BNC2: variants seen among roughly 807,000 people sequenced by gnomAD.
BNC2 encodes the protein basonuclin zinc finger protein 2, also known as zinc finger protein basonuclin-2.
A neutral mutation model predicts 76.3 loss-of-function variants in BNC2; 20 were observed. That is an observed-to-expected ratio of 0.26 (90% confidence interval 0.18 to 0.38). The LOEUF (loss-of-function observed/expected upper bound fraction) is 0.38. Among genes scored for constraint, BNC2 ranks in the 10% least tolerant of loss-of-function variants. The probability of loss-of-function intolerance (pLI) is 1.00; values close to 1 mark genes in which losing one functional copy is unlikely to be tolerated. For missense variants in BNC2, 1,382 were observed against 1,399.8 expected (o/e 0.99, Z 0.20); for synonymous variants, 582 against 514.8 (o/e 1.13, Z -1.77).
intron 1 of BNC2, among the ~76,000 whole-genome samples, chr9:16,847,297 G>C (rs8181207): frequency 0.98 from 148,894 of 152,008 alleles, 72,981 homozygotes; most frequent in Middle Eastern, 1. Context: ...GAGTGTGTGC[G>C]TTTATTTTTT....
chr9:16,869,739 C>T (rs1819630430), intron 1 of BNC2, among the ~76,000 whole-genome samples: 1 of 152,176 alleles, frequency 6.6e-6, no homozygotes, highest in Non-Finnish European at 1.5e-5. Context: ...TTGCACGCTT[C>T]CTCGCTGCAA....
intron 1 of BNC2, chr9:16,775,432 G>C (rs866890719): frequency 8.6e-5 from 13 of 150,730 alleles, no homozygotes; most frequent in African/African-American, 3.2e-4. Flanking sequence ...TCTTCATGTT[G>C]TATGTGTGCT....
chr9:16,745,854 G>C (rs1253106459), intron 1 of BNC2, among the ~76,000 whole-genome samples: 5 of 152,202 alleles, frequency 3.3e-5, no homozygotes. Flanking sequence ...CATGGGCTTT[G>C]AGACAGCTAT....
At chr9:16,507,355 G>GT (rs1822653047) in intron 5 of BNC2, among the ~76,000 whole-genome samples, 1 of 150,274 alleles carries the variant, frequency 6.7e-6, no homozygotes, top group Admixed American at 6.6e-5. Flanking sequence ...CGCCTCCTGG[G>GT]TTCAAACGAT....
chr9:16,446,240 G>C (rs1483627723), intron 5 of BNC2, among the ~76,000 whole-genome samples: 2 of 151,968 alleles, frequency 1.3e-5, no homozygotes, highest in African/African-American at 4.8e-5. Context: ...AGCATTCAAA[G>C]TGCTTCAACT....
chr9:16,691,809 ATT>A (rs35924079), intron 3 of BNC2, among the ~76,000 whole-genome samples: 11,368 of 129,398 alleles, frequency 0.088, 827 homozygotes, highest in East Asian at 0.39. Context: ...GTGCCCAGCC[ATT>A]TTTTTTTTTT....
chr9:16,659,232 C>T (rs1460835505), intron 3 of BNC2, among the ~76,000 whole-genome samples: 1 of 152,114 alleles, frequency 6.6e-6, no homozygotes, highest in African/African-American at 2.4e-5. Context: ...TTCTATTGTA[C>T]CGCCATGTAA....
intron 1 of BNC2, among the ~76,000 whole-genome samples, chr9:16,850,558 C>T (rs1051649149): frequency 9.2e-5 from 14 of 152,110 alleles, no homozygotes; most frequent in African/African-American, 3.1e-4. Flanking sequence ...TGTGAAAAAT[C>T]AATGTTGTCT....
chr9:16,596,901 T>C (rs1221130324), intron 3 of BNC2, among the ~76,000 whole-genome samples: 1 of 152,108 alleles, frequency 6.6e-6, no homozygotes, highest in Non-Finnish European at 1.5e-5. Flanking sequence ...AGAAAAATAC[T>C]CCAAAAATAT....
intron 5 of BNC2, among the ~76,000 whole-genome samples, chr9:16,486,322 T>A (rs1822163142): frequency 6.6e-6 from 1 of 152,242 alleles, no homozygotes; most frequent in Admixed American, 6.5e-5. Flanking sequence ...GTAATTATAC[T>A]TCTTGAAATC....
At chr9:16,679,726 A>G (rs1004341420) in intron 3 of BNC2, among the ~76,000 whole-genome samples, 3 of 152,202 alleles carry the variant, frequency 2.0e-5, no homozygotes, top group Non-Finnish European at 2.9e-5. Flanking sequence ...CAGAGTAACC[A>G]TGGAGAGGAA....
At chr9:16,759,427 T>C (rs59992326) in intron 1 of BNC2, among the ~76,000 whole-genome samples, 9,081 of 152,232 alleles carry the variant, frequency 0.06, 885 homozygotes, top group African/African-American at 0.21. Context: ...ATATTTTCCT[T>C]AATTTTTTTT....
intron 3 of BNC2, among the ~76,000 whole-genome samples, chr9:16,671,902 C>G (rs1298721804): frequency 3.3e-5 from 5 of 152,218 alleles, no homozygotes; most frequent in Non-Finnish European, 5.9e-5. Flanking sequence ...TAATCTAGAA[C>G]AGAGCCAAGT....
In BNC2 at chr9:16,414,842, G is replaced by A. The variant is rs1032448504; in HGVS notation, c.*4147C>T. 1 of 151,694 alleles carries A rather than the reference G, an allele frequency of 6.6e-6. No homozygotes were observed. The highest frequency in any genetic ancestry group is 6.6e-5 in the Admixed American group (1 of 15,244). 9.4% of individuals were successfully genotyped at this position (151,694 alleles called of 1,614,324 possible). ...AGAAAGGGGAAAAAAAGGTCACATT[G>A]TATTTGGTGGGAACCTAGTGCATAG... is the stretch of plus-strand genomic sequence containing the variant. On this transcript the variant is annotated 3_prime_UTR_variant, in exon 7 of 7. Transcript: ENST00000380672.
intron 3 of BNC2, among the ~76,000 whole-genome samples, chr9:16,603,418 C>G (rs1820296585): frequency 6.6e-6 from 1 of 152,026 alleles, no homozygotes; most frequent in African/African-American, 2.4e-5. Flanking sequence ...TAACTGCTAC[C>G]AATGCAAATA....
chr9:16,749,473 G>C (rs892939511), intron 1 of BNC2, among the ~76,000 whole-genome samples: 2 of 152,158 alleles, frequency 1.3e-5, no homozygotes, highest in Non-Finnish European at 2.9e-5. Flanking sequence ...GGGCGGGAAA[G>C]TCAACAGCTT....
intron 1 of BNC2, among the ~76,000 whole-genome samples, chr9:16,800,224 C>CAAA (rs61387643): frequency 5.6e-5 from 8 of 143,710 alleles, no homozygotes; most frequent in South Asian, 4.4e-4. Flanking sequence ...GACTCCATCT[C>CAAA]AAAAAAAAAA....
rs370046975 is a variant in BNC2 at position 16,419,627 on chromosome 9, G to A, written c.2662C>T (p.His888Tyr). 2.1e-6 allele frequency: 3 copies of A among 1,441,886 alleles called. No homozygotes were observed. Among genetic ancestry groups the A allele is most frequent in the Non-Finnish European group, 2.8e-6 (3 of 1,075,214 alleles). The allele number at this position is 1,441,886 out of a possible 1,614,324, so 89.3% of individuals were successfully genotyped here. ...RDRHSANINLHRKLLTKELDD... is the reference protein window; with the variant it reads ...RDRHSANINLYRKLLTKELDD... ...AGTTCTTTGGTCAACAGTTTACGAT[G>A]TAGGTTTATGTTGGCACTGTGTCTA... The change falls in exon 7 of 7, where the codon CAT becomes TAT. Residue 888 changes from histidine (H) to tyrosine (Y), a missense_variant. His to Tyr is a moderately conservative substitution (Grantham distance 83). This residue lies in a region of BNC2 where 798 missense variants were observed against 775.5 expected (regional missense o/e 1.03). Transcript: ENST00000380672.
At chr9:16,668,019 C>T (rs991258073) in intron 3 of BNC2, among the ~76,000 whole-genome samples, 1 of 152,198 alleles carries the variant, frequency 6.6e-6, no homozygotes, top group Non-Finnish European at 1.5e-5. Context: ...AGGTACGTTC[C>T]TACTAAGTGC....
Sources: allele counts gnomAD v4.1 joint callset (sites outside exome capture counted in the v4.1 genomes callset), GRCh38; gene constraint gnomAD v4.1.1; regional missense constraint gnomAD v4.1.1; transcripts MANE v1.5; gene names NCBI Gene and HGNC (gene_info 2026-07-23, HGNC 2026-07-21).